Variants in ZNF675 observed in about 807,000 individuals in gnomAD.
ZNF675 encodes the protein TRAF6 inhibitory zinc finger.
A neutral mutation model predicts 56.1 loss-of-function variants in ZNF675; 36 were observed. That is an observed-to-expected ratio of 0.64 (90% CI 0.49 to 0.85). ZNF675 has a LOEUF of 0.85. ZNF675 is among the 40% of genes least tolerant of loss of function. ZNF675 has a pLI of 0.00. For synonymous variants in ZNF675, 200 were observed against 218.9 expected (o/e 0.91, Z 0.76); for missense variants, 663 against 654.2 (o/e 1.01, Z -0.15).
intron 1 of ZNF675, among the ~76,000 whole-genome samples, chr19:23,685,471 G>A (rs1351339150): frequency 6.6e-6 from 1 of 152,184 alleles, no homozygotes; most frequent in African/African-American, 2.4e-5. Context: ...CCCAGGACCA[G>A]AAAAAACTGA....
At chr19:23,659,384 A>C (rs992642050) in intron 3 of ZNF675, among the ~76,000 whole-genome samples, 1 of 152,116 alleles carries the variant, frequency 6.6e-6, no homozygotes, top group Non-Finnish European at 1.5e-5. Context: ...ACAGCAAGAC[A>C]ATTTGTCAGC....
chr19:23,675,101 A>T lies in ZNF675; in HGVS notation c.3+11930T>A, dbSNP rs1313723546. Among the ~76,000 whole-genome samples the T allele has an allele frequency of 1.3e-5, 2 of 151,848 alleles. 1 individual carries two copies. The highest frequency in any genetic ancestry group is 4.9e-5 in the African/African-American group (2 of 41,112). On this transcript the variant is annotated intron_variant, in intron 1 of 3. Coordinates refer to ENST00000359788, the MANE Select transcript of ZNF675 (RefSeq NM_138330.3). ...TAGTAGACACTGGATTCAGGCATCT[A>T]AGGAGTAGCATTGGGCACACAGTAT... is the stretch of plus-strand genomic sequence containing the variant.
intron 1 of ZNF675, among the ~76,000 whole-genome samples, chr19:23,670,000 C>A (rs1485502134): frequency 6.6e-6 from 1 of 152,080 alleles, no homozygotes; most frequent in Admixed American, 6.5e-5. Flanking sequence ...TTCCCAGAGA[C>A]CCCAGTCTGG....
intron 1 of ZNF675, among the ~76,000 whole-genome samples, chr19:23,669,715 T>C (rs1433330448): frequency 6.6e-6 from 1 of 151,988 alleles, no homozygotes; most frequent in East Asian, 1.9e-4. Flanking sequence ...TAGTCTTGCA[T>C]TGTGGCACGC....
intron 1 of ZNF675, among the ~76,000 whole-genome samples, chr19:23,678,569 T>TAA (rs112040202): frequency 0.32 from 45,135 of 142,552 alleles, 8,148 homozygotes; most frequent in East Asian, 0.64. Flanking sequence ...ATTCTTAACT[T>TAA]AAAAAAAAAA....
intron 1 of ZNF675, among the ~76,000 whole-genome samples, chr19:23,676,283 A>G (rs559480889): frequency 4.5e-4 from 69 of 151,896 alleles, no homozygotes; most frequent in Non-Finnish European, 9.3e-4. Context: ...TACAAACAAA[A>G]GTTGGTATTA....
chr19:23,677,165 G>C (rs1286743691), intron 1 of ZNF675, among the ~76,000 whole-genome samples: 1 of 151,076 alleles, frequency 6.6e-6, no homozygotes, highest in Non-Finnish European at 1.5e-5. Context: ...ATTAAACATG[G>C]AATTTTGAAG....
Position 23,656,776 on chromosome 19 carries a change from T to C in ZNF675, c.227-2070A>G, listed in dbSNP as rs922583292. 5.1e-4 allele frequency: 4 copies of C among 7,878 alleles called. No individual in the cohort carries two copies. The Admixed American group carries it at 0.015, about 29-fold the overall frequency. The allele number at this position is 7,878 out of a possible 1,614,324, so 0.5% of individuals were successfully genotyped here. A position where few individuals can be genotyped will look rare whatever the true frequency, so the allele number is the denominator to read the frequency against. ...TATATGATTCCACTTATGTGAGATA[T>C]CTTAATTAGTCACACTCATAGAAAG... On this transcript the variant is annotated intron_variant, in intron 3 of 3. Coordinates refer to ENST00000359788, the MANE Select transcript of ZNF675 (RefSeq NM_138330.3).
At position 23,679,962 on chromosome 19, in the gene ZNF675, C is replaced by T. The variant is rs181809467; in HGVS notation, c.3+7069G>A. On this transcript the variant is annotated intron_variant, in intron 1 of 3. Transcript: ENST00000359788. ...CCGAGATTGCACCACTGCACTCCAG[C>T]CTGGGCAACAAGAGCGAGACTCCGT... Among the ~76,000 whole-genome samples the T allele has an allele frequency of 7.9e-4, 120 of 150,972 alleles. 3 individuals are homozygous for T. The East Asian group carries it at 0.019, about 24-fold the overall frequency.
Position 23,663,176 on chromosome 19 carries a change from A to G in ZNF675, c.4-18T>C. 6.3e-7 allele frequency: 1 copy of G among 1,595,674 alleles called. No individual in the cohort carries two copies. Among genetic ancestry groups the G allele is most frequent in the South Asian group, 1.1e-5 (1 of 88,552 alleles). The stretch of plus-strand genomic sequence containing the variant: ...AACAGTCCCTGAAAAACACATACAC[A>G]CAAACATATTCACCAGGTAGCCAAC... On this transcript the variant is annotated intron_variant, in intron 1 of 3. Transcript: ENST00000359788.
intron 1 of ZNF675, among the ~76,000 whole-genome samples, chr19:23,671,110 T>C (rs1293855339): frequency 6.6e-6 from 1 of 152,182 alleles, no homozygotes; most frequent in African/African-American, 2.4e-5. Flanking sequence ...CCATGTTTTA[T>C]GGCAGGTTGG....
chr19:23,670,131 C>G (rs1968209885), intron 1 of ZNF675, among the ~76,000 whole-genome samples: 1 of 152,118 alleles, frequency 6.6e-6, no homozygotes, highest in South Asian at 2.1e-4. Flanking sequence ...TCTATTTCAC[C>G]TGATTCCACT....
At position 23,653,026 on chromosome 19, in the gene ZNF675, G is replaced by T; in HGVS notation, c.*200C>A. ...TTTTCTTAAGTATAAACGCTTTCCT[G>T]TGCAATAAGGTTTGAGCCTTAATTA... On this transcript the variant is annotated 3_prime_UTR_variant, in exon 4 of 4. Transcript: ENST00000359788. 1.9e-6 allele frequency: 1 copy of T among 513,022 alleles called. No individual in the cohort carries two copies. Among genetic ancestry groups the T allele is most frequent in the South Asian group, 3.7e-5 (1 of 27,242 alleles). 31.8% of individuals were successfully genotyped at this position (513,022 alleles called of 1,614,324 possible).
At chr19:23,679,968 C>T (rs1968354323) in intron 1 of ZNF675, among the ~76,000 whole-genome samples, 1 of 146,756 alleles carries the variant, frequency 6.8e-6, no homozygotes, top group African/African-American at 2.6e-5. Context: ...CCAGCCTGGG[C>T]AACAAGAGCG....
chr19:23,664,933 G>A (rs1214885567), intron 1 of ZNF675, among the ~76,000 whole-genome samples: 2 of 152,076 alleles, frequency 1.3e-5, no homozygotes, highest in Non-Finnish European at 2.9e-5. Context: ...CCTGAGCAAC[G>A]GAGTGAGACT....
intron 3 of ZNF675, among the ~76,000 whole-genome samples, chr19:23,660,670 T>G (rs950207618): frequency 6.6e-6 from 1 of 152,140 alleles, no homozygotes; most frequent in Non-Finnish European, 1.5e-5. Context: ...CAGTGAGAGA[T>G]ATCAGTGAAA....
rs35820455 is a variant in ZNF675 at position 23,677,978 on chromosome 19, G to A, written c.3+9053C>T. 6.7e-3 allele frequency among the ~76,000 whole-genome samples: 5 copies of A among 744 alleles called. No individual in the cohort carries two copies. The East Asian group carries it at 0.5, about 74-fold the overall frequency. The allele number at this position is 744 out of a possible 152,430, so 0.5% of individuals were successfully genotyped here. On this transcript the variant is annotated intron_variant, in intron 1 of 3. Transcript: ENST00000359788. ...CTGCCTAAAAATACAAAATTAGCAC[G>A]GGGTGGTGGTGCATGCCTGCAATCC...
intron 1 of ZNF675, among the ~76,000 whole-genome samples, chr19:23,677,084 AAAAAAAGAG>A (rs1599422315): frequency 2.0e-4 from 7 of 34,232 alleles, no homozygotes; most frequent in South Asian, 3.4e-3. Context: ...CAGAAAAAAA[AAAAAAAGAG>A]AAAAGAAAAA....
At position 23,654,212 on chromosome 19, in the gene ZNF675, A is replaced by G. The variant is rs1967951116; in HGVS notation, c.721T>C (p.Ser241Pro). 1.9e-6 allele frequency: 3 copies of G among 1,614,026 alleles called. No individual in the cohort carries two copies. The East Asian group carries it at 6.7e-5, about 36-fold the overall frequency. The change falls in exon 4 of 4, where the codon TCA becomes CCA. Residue 241 changes from serine (S) to proline (P), a missense_variant. By Grantham distance (74) the Ser-to-Pro change is moderately conservative (BLOSUM62 -1). This residue lies in a region of ZNF675 where 617 missense variants were observed against 590.5 expected (regional missense o/e 1.04). Coordinates refer to ENST00000359788, the MANE Select transcript of ZNF675 (RefSeq NM_138330.3). ...TCTTTTTTATATTCAGTAAGGTTTG[A>G]GAATTGGTTAAAAGTTCTGTCACAT... ...QECDRTFNQF[S>P]NLTEYKKDYA... is the part of the protein sequence containing the mutation.
Sources: allele counts gnomAD v4.1 joint callset (sites outside exome capture counted in the v4.1 genomes callset), GRCh38; gene constraint gnomAD v4.1.1; regional missense constraint gnomAD v4.1.1; transcripts MANE v1.5; gene names NCBI Gene and HGNC (gene_info 2026-07-23, HGNC 2026-07-21).